Variants in ABCC4 observed in about 807,000 individuals in gnomAD.
The protein encoded by ABCC4 is ATP-binding cassette sub-family C member 4.
ABCC4 carries 102 observed loss-of-function variants against 168.5 expected under a neutral mutation model. The ratio of observed to expected loss-of-function variants is 0.61; its 90% CI spans 0.52 to 0.71. ABCC4 has a LOEUF of 0.71. Among genes scored for constraint, ABCC4 ranks in the 30% least tolerant of loss-of-function variants. The probability of loss-of-function intolerance (pLI) is 0.00; values close to 1 mark genes in which losing one functional copy is unlikely to be tolerated. For synonymous variants in ABCC4, 617 were observed against 590.7 expected (o/e 1.04, Z -0.65); for missense variants, 1,402 against 1,605.8 (o/e 0.87, Z 2.17).
At chr13:95,071,083 C>CTT (rs2033708139) in intron 25 of ABCC4, among the ~76,000 whole-genome samples, 1 of 151,418 alleles carries the variant, frequency 6.6e-6, no homozygotes, top group Admixed American at 6.6e-5. Flanking sequence ...TGCACAAACT[C>CTT]TCTTTGCCTG....
At chr13:95,225,171 A>T (rs1278736397) in intron 4 of ABCC4, among the ~76,000 whole-genome samples, 13 of 140,680 alleles carry the variant, frequency 9.2e-5, no homozygotes, top group African/African-American at 1.5e-4. Flanking sequence ...ACACACACAC[A>T]CACACACACA....
rs139326701 is a variant in ABCC4, at chr13:95,081,994, T to C, written c.2686+1146A>G. ...CAGCCTGGGTGACAGCAAGACTCCA[T>C]CTCAAAATAAATAAATAAATAAATA... On this transcript the variant is annotated intron_variant, in intron 21 of 30. Transcript: ENST00000645237. Among the ~76,000 whole-genome samples, 8 of 152,096 alleles carry C rather than the reference T, an allele frequency of 5.3e-5. No individual in the cohort carries two copies. The East Asian group carries it at 1.5e-3, about 29-fold the overall frequency.
intron 4 of ABCC4, among the ~76,000 whole-genome samples, chr13:95,232,032 A>G (rs1179962099): frequency 6.6e-6 from 1 of 152,134 alleles, no homozygotes; most frequent in Non-Finnish European, 1.5e-5. Flanking sequence ...AAATCTAGCT[A>G]GTTTATAGAA....
chr13:95,221,658 A>T (rs896441909), intron 4 of ABCC4, among the ~76,000 whole-genome samples: 211 of 10,204 alleles, frequency 0.021, 1 homozygote, highest in Admixed American at 0.075. Flanking sequence ...AAATATGTTA[A>T]AAAAAAAAAC....
chr13:95,121,140 G>A (rs1162152868), intron 19 of ABCC4, among the ~76,000 whole-genome samples: 4 of 152,124 alleles, frequency 2.6e-5, no homozygotes, highest in Admixed American at 6.5e-5. Flanking sequence ...TATCCTCCTC[G>A]GAGGCTCAGT....
chr13:95,076,727 A>G (rs540988893), intron 21 of ABCC4, among the ~76,000 whole-genome samples: 170 of 152,142 alleles, frequency 1.1e-3, no homozygotes, highest in African/African-American at 3.4e-3. Flanking sequence ...GGCCTCCCAA[A>G]GTGCTGGGAT....
At chr13:95,063,641 C>A (rs1399733749) in intron 25 of ABCC4, among the ~76,000 whole-genome samples, 1 of 152,194 alleles carries the variant, frequency 6.6e-6, no homozygotes, top group Non-Finnish European at 1.5e-5. Flanking sequence ...TTAATACTTA[C>A]AATTGCCCCT....
At chr13:95,095,059 G>C (rs547592542) in intron 20 of ABCC4, among the ~76,000 whole-genome samples, 1 of 152,272 alleles carries the variant, frequency 6.6e-6, no homozygotes, top group East Asian at 1.9e-4. Flanking sequence ...ATGTAAACTA[G>C]TACAGTCGCT....
intron 26 of ABCC4, among the ~76,000 whole-genome samples, chr13:95,058,374 T>C (rs2033142394): frequency 6.6e-6 from 1 of 151,442 alleles, no homozygotes; most frequent in African/African-American, 2.4e-5. Context: ...ATCGAGACCA[T>C]CCTGGCCAAC....
intron 22 of ABCC4, chr13:95,075,167 G>T: frequency 2.4e-6 from 1 of 421,296 alleles, no homozygotes; most frequent in Non-Finnish European, 4.3e-6. Flanking sequence ...GAAAACGTTT[G>T]CTGACAGAGC....
intron 30 of ABCC4, among the ~76,000 whole-genome samples, chr13:95,032,790 G>C (rs940123868): frequency 1.3e-5 from 2 of 149,098 alleles, no homozygotes; most frequent in African/African-American, 5.0e-5. Flanking sequence ...CAGTCTCCCT[G>C]AGTAGCTGGG....
chr13:95,171,746 G>A (rs2037485385), intron 13 of ABCC4, among the ~76,000 whole-genome samples: 1 of 152,166 alleles, frequency 6.6e-6, no homozygotes, highest in African/African-American at 2.4e-5. Context: ...CAGTGCCTGT[G>A]ATCAGAACCA....
intron 1 of ABCC4, among the ~76,000 whole-genome samples, chr13:95,300,253 A>T (rs1438086733): frequency 6.6e-6 from 1 of 152,072 alleles, no homozygotes; most frequent in Non-Finnish European, 1.5e-5. Context: ...TGGTTTTAAG[A>T]AGGTAGAACT....
chr13:95,279,523 A>G (rs971632750), intron 1 of ABCC4, among the ~76,000 whole-genome samples: 1 of 152,172 alleles, frequency 6.6e-6, no homozygotes, highest in African/African-American at 2.4e-5. Context: ...AAAAAGTCTC[A>G]ACCGGTCCTA....
At chr13:95,151,852 C>T (rs534014899) in intron 19 of ABCC4, among the ~76,000 whole-genome samples, 1 of 152,258 alleles carries the variant, frequency 6.6e-6, no homozygotes, top group East Asian at 1.9e-4. Context: ...GACTTAGTTA[C>T]CACAAACTAT....
At chr13:95,268,532 C>T (rs2040745195) in intron 1 of ABCC4, among the ~76,000 whole-genome samples, 1 of 133,816 alleles carries the variant, frequency 7.5e-6, no homozygotes, top group Non-Finnish European at 1.6e-5. Context: ...TCCCTTGGCC[C>T]TTGGCAATGG....
At chr13:95,046,244 G>A (rs185929651) in intron 27 of ABCC4, among the ~76,000 whole-genome samples, 2 of 152,258 alleles carry the variant, frequency 1.3e-5, no homozygotes, top group East Asian at 3.9e-4. Context: ...AGTGCAAAAA[G>A]GTCTTTTCTA....
intron 13 of ABCC4, among the ~76,000 whole-genome samples, chr13:95,170,985 C>T (rs1729786): frequency 0.35 from 53,058 of 151,444 alleles, 9,590 homozygotes; most frequent in Middle Eastern, 0.41. Flanking sequence ...ATCGAGGTCA[C>T]GTAACGACGC....
At chr13:95,234,961 G>T in intron 3 of ABCC4, 127 bp from the exon 4 acceptor site, 1 of 696,580 alleles carries the variant, frequency 1.4e-6, no homozygotes, top group Non-Finnish European at 2.3e-6. Context: ...CACAATCCCA[G>T]CTCACAGCAG....
Sources: allele counts gnomAD v4.1 joint callset (sites outside exome capture counted in the v4.1 genomes callset), GRCh38; gene constraint gnomAD v4.1.1; transcripts MANE v1.5; gene names NCBI Gene and HGNC (gene_info 2026-07-23, HGNC 2026-07-21).